Variants in QNG1 observed in about 807,000 individuals in gnomAD.
QNG1 encodes Q-nucleotide N-glycosylase 1, also known as queuosine 5'-phosphate N-glycosylase/hydrolase.
the QNG1 span, chr9:83,939,227 C>T: frequency 3.3e-6 from 1 of 303,656 alleles, no homozygotes; most frequent in African/African-American, 2.2e-5. Context: ...GCACGTGCCA[C>T]CACGCCCAGC....
At chr9:83,956,333 G>A in the QNG1 span, 4 of 1,613,594 alleles carry the variant, frequency 2.5e-6, no homozygotes, top group African/African-American at 1.3e-5. Context: ...CCGCCCTGGG[G>A]TTCAGCTCAT....
chr9:83,948,644 G>A, the QNG1 span, among the ~76,000 whole-genome samples: 1 of 152,136 alleles, frequency 6.6e-6, no homozygotes, highest in Non-Finnish European at 1.5e-5. Flanking sequence ...CGGTTTTGTC[G>A]AATAGAAAGG....
At chr9:83,948,680 G>A in the QNG1 span, among the ~76,000 whole-genome samples, 1 of 152,214 alleles carries the variant, frequency 6.6e-6, no homozygotes. Flanking sequence ...AAGGAAAGAG[G>A]GATCGGATTG....
At chr9:83,938,688 A>C in the QNG1 span, 3 of 150,806 alleles carry the variant, frequency 2.0e-5, no homozygotes, top group African/African-American at 7.3e-5. Flanking sequence ...AAAAAAAAAC[A>C]TAAGTCAAAA....
chr9:83,955,590 C>A, the QNG1 span: 5 of 1,614,158 alleles, frequency 3.1e-6, no homozygotes, highest in Non-Finnish European at 4.2e-6. Context: ...ATATTCCGAA[C>A]CTGATCCAGG....
chr9:83,955,320 A>G, the QNG1 span: 1 of 1,534,538 alleles, frequency 6.5e-7, no homozygotes, highest in Non-Finnish European at 8.8e-7. Context: ...GAGTTCTGGA[A>G]GTAAAAGAGT....
chr9:83,939,482 G>T, the QNG1 span: 4 of 1,463,480 alleles, frequency 2.7e-6, no homozygotes, highest in East Asian at 4.5e-5. Context: ...AACGCAGGGG[G>T]TTTTCTTTGG....
the QNG1 span, among the ~76,000 whole-genome samples, chr9:83,940,289 C>T: frequency 6.6e-6 from 1 of 151,908 alleles, no homozygotes; most frequent in Non-Finnish European, 1.5e-5. Flanking sequence ...CCTGTAGTCC[C>T]AACTACTCAG....
the QNG1 span, among the ~76,000 whole-genome samples, chr9:83,942,647 ATTACATT>A: frequency 6.6e-6 from 1 of 152,248 alleles, no homozygotes; most frequent in African/African-American, 2.4e-5. Context: ...TGTTTGTTAC[ATTACATT>A]TACAGTTTGT....
the QNG1 span, chr9:83,956,721 G>T: frequency 4.7e-6 from 2 of 425,040 alleles, no homozygotes; most frequent in Non-Finnish European, 8.3e-6. Flanking sequence ...CAGCTCGCTG[G>T]GCAGAGGCCG....
At chr9:83,956,725 G>A in the QNG1 span, 1 of 423,156 alleles carries the variant, frequency 2.4e-6, no homozygotes, top group African/African-American at 2.0e-5. Flanking sequence ...TCGCTGGGCA[G>A]AGGCCGCAAG....
chr9:83,948,082 G>A, the QNG1 span, among the ~76,000 whole-genome samples: 13 of 151,402 alleles, frequency 8.6e-5, no homozygotes, highest in Non-Finnish European at 1.8e-4. Flanking sequence ...GTCTCTGCCC[G>A]GCTGCCCATC....
chr9:83,953,066 C>G, the QNG1 span, among the ~76,000 whole-genome samples: 1 of 151,158 alleles, frequency 6.6e-6, no homozygotes, highest in Non-Finnish European at 1.5e-5. Flanking sequence ...GTCAGGAGTT[C>G]AAGACCAGCC....
chr9:83,944,054 G>C, the QNG1 span, among the ~76,000 whole-genome samples: 2 of 148,282 alleles, frequency 1.3e-5, no homozygotes, highest in African/African-American at 5.3e-5. Flanking sequence ...AGGTGCAGTG[G>C]CTCACGCCTG....
At chr9:83,953,801 C>G in the QNG1 span, 1 of 1,549,122 alleles carries the variant, frequency 6.5e-7, no homozygotes, top group Non-Finnish European at 8.7e-7. Context: ...CCGGGTGCAG[C>G]CTGTGAGGGT....
chr9:83,951,735 C>T, the QNG1 span, among the ~76,000 whole-genome samples: 9 of 152,254 alleles, frequency 5.9e-5, no homozygotes, highest in Admixed American at 5.2e-4. Context: ...ATCAGAGTAA[C>T]TTGAAGAGCT....
At chr9:83,956,025 C>T in the QNG1 span, 3 of 748,152 alleles carry the variant, frequency 4.0e-6, no homozygotes, top group Non-Finnish European at 6.6e-6. Flanking sequence ...CTATTTTAAG[C>T]ATAAGGACTT....
At chr9:83,939,319 G>A in the QNG1 span, 105 of 530,484 alleles carry the variant, frequency 2.0e-4, no homozygotes, top group Admixed American at 7.5e-4. Context: ...TGATCCACCC[G>A]CCTCAGCCTC....
At chr9:83,944,869 A>C in the QNG1 span, 1 of 1,614,038 alleles carries the variant, frequency 6.2e-7, no homozygotes, top group Non-Finnish European at 8.5e-7. Context: ...GGTAATCTAT[A>C]ATCAGCAAAC....
Sources: gnomAD v4.1 joint callset for allele counts (sites outside exome capture counted in the v4.1 genomes callset) on GRCh38, gnomAD v4.1.1 for gene constraint, MANE v1.5 for transcripts, NCBI Gene and HGNC (gene_info 2026-07-23, HGNC 2026-07-21) for gene names.